Variants in PAICS observed in about 807,000 individuals in gnomAD.
PAICS encodes the protein phosphoribosylaminoimidazole carboxylase and phosphoribosylaminoimidazolesuccinocarboxamide synthase, also known as bifunctional phosphoribosylaminoimidazole carboxylase/phosphoribosylaminoimidazole succinocarboxamide synthetase.
In PAICS, 33 loss-of-function variants were observed where a neutral mutation model predicts 53.7. The ratio of observed to expected loss-of-function variants is 0.61; its 90% CI spans 0.47 to 0.82. PAICS has a LOEUF of 0.82. Among genes scored for constraint, PAICS ranks in the 40% least tolerant of loss-of-function variants. The pLI is 0.00. For missense variants in PAICS, 394 were observed against 494.1 expected (o/e 0.80, Z 1.92); for synonymous variants, 141 against 167.2 (o/e 0.84, Z 1.21).
chr4:56,452,815 G>T (rs1425998936), intron 7 of PAICS, among the ~76,000 whole-genome samples: 1 of 152,118 alleles, frequency 6.6e-6, no homozygotes, highest in Admixed American at 6.5e-5. Flanking sequence ...GTATAGCAGT[G>T]ATCTAAAATA....
chr4:56,437,240 T>C (rs2110078081), intron 1 of PAICS, among the ~76,000 whole-genome samples: 1 of 143,920 alleles, frequency 6.9e-6, no homozygotes, highest in East Asian at 2.0e-4. Context: ...TTTTAGGTAG[T>C]CTTTGATGCC....
At chr4:56,424,453 A>G in the PAICS span, among the ~76,000 whole-genome samples, 1 of 152,206 alleles carries the variant, frequency 6.6e-6, no homozygotes, top group Non-Finnish European at 1.5e-5. Flanking sequence ...GATTCCATTC[A>G]GGGAAGAAAA....
chr4:56,441,990 A>T (rs1224852925), intron 2 of PAICS, 130 bp downstream of exon 2: 1 of 635,758 alleles, frequency 1.6e-6, no homozygotes, highest in Non-Finnish European at 2.7e-6. Flanking sequence ...ATTTAAATCA[A>T]ACCAAGAACC....
At chr4:56,411,038 A>T in the PAICS span, 2 of 607,736 alleles carry the variant, frequency 3.3e-6, no homozygotes, top group Admixed American at 1.3e-4. Flanking sequence ...CTGTGGAAAA[A>T]TAACCAATTT....
chr4:56,435,928 G>C (rs1278638883), upstream of PAICS: 8 of 1,496,578 alleles, frequency 5.3e-6, no homozygotes, highest in Admixed American at 1.1e-4. Flanking sequence ...GTCAAGACTT[G>C]GTACGCTCCA....
At chr4:56,453,548 G>A (rs974113721) in intron 7 of PAICS, 55 bp from the exon 8 acceptor site, 5 of 1,204,288 alleles carry the variant, frequency 4.2e-6, no homozygotes, top group Non-Finnish European at 5.6e-6. Flanking sequence ...AAAAAACCCT[G>A]TCTTTAAATC....
At chr4:56,431,285 T>C (rs1012926747), upstream of PAICS, 2 of 204,960 alleles carry the variant, frequency 9.8e-6, no homozygotes, top group Non-Finnish European at 1.7e-5. Flanking sequence ...GTAAGTTCTC[T>C]GACAATCAAA....
chr4:56,425,203 A>G, the PAICS span, among the ~76,000 whole-genome samples: 1 of 152,196 alleles, frequency 6.6e-6, no homozygotes, highest in African/African-American at 2.4e-5. Flanking sequence ...ATCTCTTCCA[A>G]AAGAAAGAAA....
intron 5 of PAICS, among the ~76,000 whole-genome samples, chr4:56,449,630 T>C (rs1028085389): frequency 2.6e-5 from 4 of 151,896 alleles, no homozygotes; most frequent in African/African-American, 9.7e-5. Context: ...AGTGTTAGAC[T>C]GGATAAAGAA....
intron 8 of PAICS, among the ~76,000 whole-genome samples, chr4:56,456,860 T>C (rs1042849854): frequency 2.6e-5 from 4 of 152,174 alleles, no homozygotes; most frequent in Non-Finnish European, 4.4e-5. Flanking sequence ...TGCATATAGT[T>C]ACTTTCTTCA....
chr4:56,437,114 G>C (rs1578144451), intron 1 of PAICS, among the ~76,000 whole-genome samples: 1 of 151,162 alleles, frequency 6.6e-6, no homozygotes, highest in East Asian at 2.0e-4. Context: ...CGATAGCTTG[G>C]GGTGTGTGTA....
chr4:56,413,617 C>G, the PAICS span, among the ~76,000 whole-genome samples: 1 of 152,024 alleles, frequency 6.6e-6, no homozygotes, highest in Non-Finnish European at 1.5e-5. Flanking sequence ...TGATTTAGGC[C>G]AGGCATGGTG....
At position 56,453,599 on chromosome 4, in the gene PAICS, CT is replaced by C; in HGVS notation, c.953-3del. On this transcript the variant is annotated splice_region_variant and splice_polypyrimidine_tract_variant and intron_variant, in intron 7 of 8. Transcript: ENST00000512576. ...GCATAATTATACTCTTGTCATTTCC[CT>C]AGGGGATGGCATTCCTACTGTATTT... The C allele has an allele frequency of 6.3e-7, 1 of 1,583,560 alleles. No homozygotes were observed. The highest frequency in any genetic ancestry group is 8.6e-7 in the Non-Finnish European group (1 of 1,161,294).
At chr4:56,444,369 A>T (rs1359067424) in intron 2 of PAICS, among the ~76,000 whole-genome samples, 1 of 152,170 alleles carries the variant, frequency 6.6e-6, no homozygotes, top group Non-Finnish European at 1.5e-5. Context: ...TGAAATCCCA[A>T]TTTCCTCACA....
At chr4:56,432,189 A>G (rs1022503186), upstream of PAICS, among the ~76,000 whole-genome samples, 2 of 152,170 alleles carry the variant, frequency 1.3e-5, no homozygotes, top group African/African-American at 4.8e-5. Flanking sequence ...GACCAAATAC[A>G]AAACAAAAGT....
rs1370923084 is a variant in PAICS at position 56,464,242 on chromosome 4, G to GTA, written c.*4711_*4712dup. On this transcript the variant is annotated 3_prime_UTR_variant, in exon 9 of 9. Transcript: ENST00000512576. ...TTAGAGAACAAATACAGCCTATTATGTATATATAAGACCCTGGGAATGCAA... is the reference window on the plus strand; with the variant it reads ...TTAGAGAACAAATACAGCCTATTATGTATATATATAAGACCCTGGGAATGCAA... The GTA allele has an allele frequency of 6.6e-6, 1 of 152,088 alleles. No individual in the cohort carries two copies. Among genetic ancestry groups the GTA allele is most frequent in the Non-Finnish European group, 1.5e-5 (1 of 68,024 alleles). 9.4% of individuals were successfully genotyped at this position (152,088 alleles called of 1,614,324 possible).
the PAICS span, among the ~76,000 whole-genome samples, chr4:56,424,399 T>C: frequency 2.4e-4 from 37 of 152,206 alleles, no homozygotes; most frequent in Non-Finnish European, 1.8e-4. Flanking sequence ...TAGGTTATCA[T>C]GCTCAGACCA....
chr4:56,449,301 C>G (rs1364632706), intron 5 of PAICS, among the ~76,000 whole-genome samples: 1 of 152,078 alleles, frequency 6.6e-6, no homozygotes, highest in African/African-American at 2.4e-5. Context: ...GAAATGCAAA[C>G]CTAAACCACA....
In PAICS at chr4:56,459,506, G is replaced by C; in HGVS notation, c.1246G>C (p.Ala416Pro). 6.3e-7 allele frequency: 1 copy of C among 1,576,466 alleles called. No homozygotes were observed. The highest frequency in any genetic ancestry group is 8.7e-7 in the Non-Finnish European group (1 of 1,153,676). The change falls in exon 9 of 9, where the codon GCT becomes CCT. Residue 416 changes from alanine to proline, a missense_variant. Ala to Pro is a conservative substitution (Grantham distance 27). Around this residue, in one of 3 missense-constraint regions of PAICS, gnomAD observed 95 missense variants for 89.3 expected, o/e 1.06. Coordinates refer to ENST00000512576, the MANE Select transcript of PAICS (RefSeq NM_001079524.2). ...GAACACATGGATTTCCTTGAAGCAG[G>C]CTGACAAGAAAATCAGAGAATGTAA... ...ILNTWISLKQADKKIRECNL is the reference protein window; with the variant it reads ...ILNTWISLKQPDKKIRECNL
Sources: allele counts gnomAD v4.1 joint callset (sites outside exome capture counted in the v4.1 genomes callset), GRCh38; gene constraint gnomAD v4.1.1; regional missense constraint gnomAD v4.1.1; transcripts MANE v1.5; gene names NCBI Gene and HGNC (gene_info 2026-07-23, HGNC 2026-07-21).